CDHR2: variants seen among roughly 807,000 people sequenced by gnomAD.
The protein encoded by CDHR2 is cadherin related family member 2, also known as cadherin-related family member 2.
In CDHR2, 104 loss-of-function variants were observed where a neutral mutation model predicts 138.6. That is an observed-to-expected ratio of 0.75 (90% CI 0.64 to 0.88). CDHR2 has a LOEUF of 0.88. Among genes scored for constraint, CDHR2 ranks in the 40% least tolerant of loss-of-function variants. The probability of loss-of-function intolerance (pLI) is 0.00; values close to 1 mark genes in which losing one functional copy is unlikely to be tolerated. For missense variants in CDHR2, 1,624 were observed against 1,727.6 expected (o/e 0.94, Z 1.06); for synonymous variants, 755 against 742.8 (o/e 1.02, Z -0.27).
chr5:176,584,063 G>T, intron 17 of CDHR2, 127 bp from the exon 18 acceptor site: 1 of 772,518 alleles, frequency 1.3e-6, no homozygotes. Flanking sequence ...CATCTGGGAA[G>T]TGGGCAGTGA....
chr5:176,592,838 C>T, intron 31 of CDHR2, 58 bp downstream of exon 31: 11 of 1,466,294 alleles, frequency 7.5e-6, no homozygotes, highest in Non-Finnish European at 1.1e-5. Flanking sequence ...TCTGTGGAGG[C>T]TTCAGGGCAG....
At chr5:176,592,598 GTGGTGA>G (rs1758915239) in intron 30 of CDHR2, 119 bp from the exon 31 acceptor site, 6 of 752,644 alleles carry the variant, frequency 8.0e-6, no homozygotes, top group Non-Finnish European at 1.4e-5. Context: ...GATGGTGGTG[GTGGTGA>G]TGGTGATGAT....
At chr5:176,556,919 C>T (rs1173006787) in intron 1 of CDHR2, 1 of 152,082 alleles carries the variant, frequency 6.6e-6, no homozygotes, top group African/African-American at 2.4e-5. Flanking sequence ...ACTGCTTTCA[C>T]CTCCTTTGGC....
chr5:176,555,909 C>CA (rs56237222), intron 1 of CDHR2, among the ~76,000 whole-genome samples: 1 of 151,662 alleles, frequency 6.6e-6, no homozygotes, highest in African/African-American at 2.4e-5. Flanking sequence ...TCAAAACAAA[C>CA]AAAAAAAACC....
rs1581123166 is a variant in CDHR2 at position 176,543,286 on chromosome 5, C to T, written c.-16+517C>T. ...CTGGGGCCGCGGCGGGGCTCCACCCCCACCCGGCGGCCGGCGCGTCGCTCC... is the reference window on the plus strand; with the variant it reads ...CTGGGGCCGCGGCGGGGCTCCACCCTCACCCGGCGGCCGGCGCGTCGCTCC... On this transcript the variant is annotated intron_variant, in intron 1 of 31. Transcript: ENST00000510636. The surrounding 1 kb of genome is among the most constrained non-coding windows in gnomAD (Gnocchi z 4.0). 6.8e-6 allele frequency among the ~76,000 whole-genome samples: 1 copy of T among 146,696 alleles called. No homozygotes were observed. The highest frequency in any genetic ancestry group is 1.5e-5 in the Non-Finnish European group (1 of 65,908).
chr5:176,554,587 C>T (rs1026793810), intron 1 of CDHR2, among the ~76,000 whole-genome samples: 8 of 152,250 alleles, frequency 5.3e-5, no homozygotes, highest in African/African-American at 1.9e-4. Flanking sequence ...CTCTTCACCT[C>T]TCTGAGCTTT....
chr5:176,584,095 C>A, intron 17 of CDHR2, 95 bp from the exon 18 acceptor site: 1 of 1,029,926 alleles, frequency 9.7e-7, no homozygotes, highest in Non-Finnish European at 1.5e-6. Context: ...CTAGTAGAGT[C>A]CATGCCTTGG....
At chr5:176,568,382 T>C (rs1418478464) in intron 3 of CDHR2, among the ~76,000 whole-genome samples, 1 of 152,216 alleles carries the variant, frequency 6.6e-6, no homozygotes, top group Non-Finnish European at 1.5e-5. Flanking sequence ...CGTCTAGTCT[T>C]GTGTCACGGA....
intron 1 of CDHR2, among the ~76,000 whole-genome samples, chr5:176,559,535 G>A (rs745864457): frequency 1.3e-5 from 2 of 152,074 alleles, no homozygotes; most frequent in Non-Finnish European, 2.9e-5. Context: ...AAAATCTATT[G>A]TTTGTACTCA....
intron 1 of CDHR2, among the ~76,000 whole-genome samples, chr5:176,555,066 A>G (rs1757792130): frequency 6.6e-6 from 1 of 152,208 alleles, no homozygotes; most frequent in African/African-American, 2.4e-5. Flanking sequence ...ACGGTTGCCA[A>G]ACATCCCACC....
intron 3 of CDHR2, among the ~76,000 whole-genome samples, chr5:176,567,476 G>A (rs369381759): frequency 6.7e-6 from 1 of 150,016 alleles, no homozygotes; most frequent in African/African-American, 2.5e-5. Flanking sequence ...CACTACACCT[G>A]GCTAATTTTT....
Position 176,592,894 on chromosome 5 carries a change from ACCAGG to A in CDHR2, c.3792+117_3792+121del. Reference sequence around the variant, plus strand: ...GACATGGGCAGTTCTGCTTCTCTGCACCAGGCCCCAGGAAGCCCTGTGGCTTTGGA... The same window carrying A: ...GACATGGGCAGTTCTGCTTCTCTGCACCCCAGGAAGCCCTGTGGCTTTGGA... On this transcript the variant is annotated intron_variant, in intron 31 of 31. Transcript: ENST00000261944. The A allele has an allele frequency of 4.4e-6, 4 of 907,114 alleles. No individual in the cohort carries two copies. The South Asian group carries it at 5.5e-5, about 12-fold the overall frequency. 56.2% of individuals were successfully genotyped at this position (907,114 alleles called of 1,614,324 possible).
At chr5:176,588,406 A>AGG (rs1758725698) in intron 21 of CDHR2, among the ~76,000 whole-genome samples, 2 of 133,534 alleles carry the variant, frequency 1.5e-5, no homozygotes, top group Non-Finnish European at 3.4e-5. Flanking sequence ...AGTGCATGAG[A>AGG]GAGTGAGGGT....
At chr5:176,590,725 C>T in intron 28 of CDHR2, 38 bp downstream of exon 28, 2 of 1,611,566 alleles carry the variant, frequency 1.2e-6, no homozygotes, top group Non-Finnish European at 1.7e-6. Context: ...CAACCTTCAC[C>T]CTCTCCCACC....
intron 3 of CDHR2, chr5:176,567,018 A>C: frequency 2.2e-6 from 1 of 456,310 alleles, no homozygotes; most frequent in Non-Finnish European, 4.4e-6. Context: ...TGACAAATAC[A>C]AAACCTGTGC....
chr5:176,591,159 G>C, intron 28 of CDHR2, 51 bp from the exon 29 acceptor site: 1 of 1,285,150 alleles, frequency 7.8e-7, no homozygotes, highest in Non-Finnish European at 1.1e-6. Flanking sequence ...CTCCACTGGG[G>C]ACACAACAGG....
intron 7 of CDHR2, among the ~76,000 whole-genome samples, chr5:176,574,864 G>A (rs912028652): frequency 3.3e-5 from 5 of 152,196 alleles, no homozygotes; most frequent in African/African-American, 1.2e-4. Context: ...GAGATGGAGG[G>A]CCGACTGCAT....
intron 15 of CDHR2, 29 bp from the exon 16 acceptor site, chr5:176,578,336 T>C: frequency 6.3e-7 from 1 of 1,594,330 alleles, no homozygotes; most frequent in Non-Finnish European, 8.6e-7. Flanking sequence ...CCTGTGTCTC[T>C]ATTTGCTGAA....
chr5:176,572,923 G>A (rs896571462), intron 6 of CDHR2, among the ~76,000 whole-genome samples: 1 of 152,334 alleles, frequency 6.6e-6, no homozygotes, highest in African/African-American at 2.4e-5. Flanking sequence ...AACAAAATAA[G>A]CAGAATGGAT....
Sources: allele counts gnomAD v4.1 joint callset (sites outside exome capture counted in the v4.1 genomes callset), GRCh38; gene constraint gnomAD v4.1.1; non-coding constraint Gnocchi (gnomAD v3.1); transcripts MANE v1.5; gene names NCBI Gene and HGNC (gene_info 2026-07-23, HGNC 2026-07-21).